Variants in PLCZ1 observed in about 807,000 individuals in gnomAD.
PLCZ1 encodes phospholipase C zeta 1, also known as 1-phosphatidylinositol 4,5-bisphosphate phosphodiesterase zeta-1.
PLCZ1 carries 64 observed loss-of-function variants against 76.8 expected under a neutral mutation model. That is an observed-to-expected ratio of 0.83 (90% CI 0.68 to 1.03). PLCZ1 has a LOEUF of 1.03. PLCZ1 is among the 50% of genes least tolerant of loss of function. The pLI is 0.00. For synonymous variants in PLCZ1, 248 were observed against 230.8 expected (o/e 1.07, Z -0.68); for missense variants, 751 against 713.7 (o/e 1.05, Z -0.60).
intron 5 of PLCZ1, among the ~76,000 whole-genome samples, chr12:18,715,123 C>T (rs1321671940): frequency 7.6e-6 from 1 of 130,952 alleles, no homozygotes; most frequent in African/African-American, 2.9e-5. Context: ...AACACTAAGT[C>T]AATGTACTGA....
At chr12:18,715,492 C>G (rs1471909503) in intron 5 of PLCZ1, among the ~76,000 whole-genome samples, 1 of 151,774 alleles carries the variant, frequency 6.6e-6, no homozygotes. Context: ...AGCTCCGCCT[C>G]CCGGGTTCAC....
At chr12:18,645,799 A>G in the PLCZ1 span, among the ~76,000 whole-genome samples, 3 of 152,200 alleles carry the variant, frequency 2.0e-5, no homozygotes, top group East Asian at 1.9e-4. Context: ...GAAAATATAA[A>G]TTATTGATAT....
At chr12:18,714,266 C>T (rs1177663757) in intron 5 of PLCZ1, among the ~76,000 whole-genome samples, 3 of 152,140 alleles carry the variant, frequency 2.0e-5, no homozygotes, top group Non-Finnish European at 4.4e-5. Context: ...GTTCCTATTA[C>T]CTATGAACCT....
the PLCZ1 span, among the ~76,000 whole-genome samples, chr12:18,656,439 G>A: frequency 6.6e-6 from 1 of 152,076 alleles, no homozygotes; most frequent in East Asian, 1.9e-4. Flanking sequence ...GGTGGCGGGC[G>A]CCTGTAATCC....
chr12:18,723,854 C>T (rs1376571954), intron 3 of PLCZ1, among the ~76,000 whole-genome samples: 1 of 152,066 alleles, frequency 6.6e-6, no homozygotes, highest in East Asian at 1.9e-4. Flanking sequence ...CTTCTTAAAA[C>T]CATACCAGGC....
At chr12:18,686,021 A>G (rs1953094063) in intron 13 of PLCZ1, among the ~76,000 whole-genome samples, 1 of 152,014 alleles carries the variant, frequency 6.6e-6, no homozygotes, top group Non-Finnish European at 1.5e-5. Flanking sequence ...TTTTATCCAA[A>G]TGTTATCCTT....
chr12:18,677,111 A>G, the PLCZ1 span, among the ~76,000 whole-genome samples: 1 of 152,070 alleles, frequency 6.6e-6, no homozygotes, highest in Non-Finnish European at 1.5e-5. Flanking sequence ...AGAAAGTTTG[A>G]TGTAGAAAAG....
At chr12:18,705,648 C>A (rs1307471261) in intron 6 of PLCZ1, among the ~76,000 whole-genome samples, 1 of 151,586 alleles carries the variant, frequency 6.6e-6, no homozygotes, top group East Asian at 2.0e-4. Context: ...GGCGGATCAC[C>A]TGAGGTCAGG....
At position 18,737,817 on chromosome 12, in the gene PLCZ1, C is replaced by A. The variant is rs573279145; in HGVS notation, c.-139+115G>T. On this transcript the variant is annotated intron_variant, in intron 1 of 14. Transcript: ENST00000266505. Reference sequence around the variant, plus strand: ...TGGGTTTGGGCAGCTACTCTGAGAGCCTGAGTATAAATCAACACCATTGTG... The same window carrying A: ...TGGGTTTGGGCAGCTACTCTGAGAGACTGAGTATAAATCAACACCATTGTG... The A allele has an allele frequency of 1.1e-3, 350 of 305,966 alleles. 1 individual carries two copies. The highest frequency in any genetic ancestry group is 7.6e-3 in the Middle Eastern group (7 of 922). The allele number at this position is 305,966 out of a possible 1,614,324, so 19.0% of individuals were successfully genotyped here.
At chr12:18,736,953 G>GA (rs771187814) in intron 2 of PLCZ1, among the ~76,000 whole-genome samples, 3 of 151,348 alleles carry the variant, frequency 2.0e-5, no homozygotes, top group Non-Finnish European at 4.4e-5. Flanking sequence ...TATGAAAAAC[G>GA]AAAAAAATTT....
At position 18,719,419 on chromosome 12, in the gene PLCZ1, T is replaced by G; in HGVS notation, c.569+12A>C. On this transcript the variant is annotated intron_variant, in intron 5 of 14. Transcript: ENST00000266505. The stretch of plus-strand genomic sequence containing the variant: ...TTTTTAAATGTAATAGATTTAAAAA[T>G]AAAATAAATACCTTACATATCCCCA... The G allele has an allele frequency of 7.2e-7, 1 of 1,393,194 alleles. No individual in the cohort carries two copies. Among genetic ancestry groups the G allele is most frequent in the Non-Finnish European group, 9.6e-7 (1 of 1,046,832 alleles). The allele number at this position is 1,393,194 out of a possible 1,614,324, so 86.3% of individuals were successfully genotyped here. A position where few individuals can be genotyped will look rare whatever the true frequency, so the allele number is the denominator to read the frequency against.
At chr12:18,653,434 C>T in the PLCZ1 span, among the ~76,000 whole-genome samples, 1 of 152,106 alleles carries the variant, frequency 6.6e-6, no homozygotes, top group African/African-American at 2.4e-5. Flanking sequence ...GCTTCTTGGC[C>T]AAGTCTCACC....
intron 7 of PLCZ1, among the ~76,000 whole-genome samples, chr12:18,703,658 A>T (rs906344274): frequency 1.3e-5 from 2 of 152,176 alleles, no homozygotes; most frequent in African/African-American, 2.4e-5. Context: ...TTAAATCTGT[A>T]TGTTAACCCT....
intron 7 of PLCZ1, among the ~76,000 whole-genome samples, chr12:18,703,474 A>G (rs1956202903): frequency 6.6e-6 from 1 of 152,224 alleles, no homozygotes; most frequent in Admixed American, 6.5e-5. Flanking sequence ...TCGATGGTGC[A>G]TGACCATTGC....
At position 18,696,163 on chromosome 12, in the gene PLCZ1, T is replaced by C; in HGVS notation, c.1278A>G (p.Ile426Met). ...SNFNPQEFWN[I>M]GCQMVALNFQ... ...TATATAACATACCCATTTGACAACCTATATTCCAAAATTCTTGGGGATTAA... is the reference window on the plus strand; with the variant it reads ...TATATAACATACCCATTTGACAACCCATATTCCAAAATTCTTGGGGATTAA... Residue 426 changes from isoleucine to methionine, a missense_variant, in exon 11 of 15, where the codon ATA (isoleucine) becomes ATG (methionine). Coordinates refer to ENST00000266505, the MANE Select transcript of PLCZ1 (RefSeq NM_033123.4). 1 of 1,543,962 alleles carries C rather than the reference T, an allele frequency of 6.5e-7. No homozygotes were observed. Among genetic ancestry groups the C allele is most frequent in the South Asian group, 1.1e-5 (1 of 88,812 alleles).
chr12:18,669,001 T>A, the PLCZ1 span, among the ~76,000 whole-genome samples: 3 of 152,178 alleles, frequency 2.0e-5, no homozygotes, highest in Non-Finnish European at 4.4e-5. Context: ...TTTCCCCCGC[T>A]GAGCAAAAGC....
At chr12:18,661,042 G>T in the PLCZ1 span, among the ~76,000 whole-genome samples, 1 of 152,080 alleles carries the variant, frequency 6.6e-6, no homozygotes, top group Non-Finnish European at 1.5e-5. Context: ...GAATTGAAGG[G>T]TATATATATG....
the PLCZ1 span, among the ~76,000 whole-genome samples, chr12:18,668,694 C>G: frequency 1.3e-5 from 2 of 152,112 alleles, no homozygotes; most frequent in African/African-American, 4.8e-5. Context: ...ACCTCCAGCC[C>G]ATAAAGGAAA....
At chr12:18,651,011 G>A in the PLCZ1 span, among the ~76,000 whole-genome samples, 2 of 151,422 alleles carry the variant, frequency 1.3e-5, no homozygotes, top group Admixed American at 1.3e-4. Context: ...ACTCTGCAGG[G>A]GCTTCTAATC....
Sources: gnomAD v4.1 joint callset for allele counts (sites outside exome capture counted in the v4.1 genomes callset) on GRCh38, gnomAD v4.1.1 for gene constraint, MANE v1.5 for transcripts, NCBI Gene and HGNC (gene_info 2026-07-23, HGNC 2026-07-21) for gene names.